Variants in RPS6KA2 observed in about 807,000 individuals in gnomAD.
RPS6KA2 encodes ribosomal protein S6 kinase alpha-2.
Under a neutral mutation model 91.8 loss-of-function variants are expected in RPS6KA2, and 42 were observed. The observed-to-expected ratio is 0.46, with a 90% CI of 0.36 to 0.59. The LOEUF (loss-of-function observed/expected upper bound fraction) is 0.59. Among genes scored for constraint, RPS6KA2 ranks in the 20% least tolerant of loss-of-function variants. RPS6KA2 has a pLI of 0.00. For synonymous variants in RPS6KA2, 414 were observed against 393.6 expected, an observed-to-expected ratio of 1.05 and a Z score of -0.61; for missense variants, 798 against 978.5, an observed-to-expected ratio of 0.82 and a Z score of 2.46.
rs189661290 is a variant in RPS6KA2, at chr6:166,657,702, C to T, written c.124-118918G>A. 3.7e-4 allele frequency among the ~76,000 whole-genome samples: 57 copies of T among 152,260 alleles called. 1 individual carries two copies. Among genetic ancestry groups the T allele is most frequent in the Admixed American group, 2.2e-3 (34 of 15,302 alleles). On this transcript the variant is annotated intron_variant, in intron 2 of 21. Coordinates refer to the RPS6KA2 transcript ENST00000503859. ...GTGCTAGGCGTTGGAAGGAGAAGAA[C>T]GGGAAGAGGCTGAGCCCTGGTGCCA...
At chr6:166,762,692 C>T (rs571157970) in intron 2 of RPS6KA2, among the ~76,000 whole-genome samples, 37 of 152,228 alleles carry the variant, frequency 2.4e-4, no homozygotes, top group Admixed American at 3.9e-4. Context: ...AACAGCTCCA[C>T]GGAGAAAGAA....
intron 2 of RPS6KA2, among the ~76,000 whole-genome samples, chr6:166,647,902 TCA>T (rs1254587506): frequency 1.0e-4 from 7 of 69,276 alleles, no homozygotes; most frequent in African/African-American, 2.9e-4. Flanking sequence ...ACACACATGC[TCA>T]CACACATGCA....
intron 14 of RPS6KA2, among the ~76,000 whole-genome samples, chr6:166,442,365 T>C (rs577124890): frequency 2.8e-4 from 42 of 152,106 alleles, no homozygotes; most frequent in Non-Finnish European, 4.6e-4. Context: ...GCACTCGGGG[T>C]CTGACTGCTT....
chr6:166,708,664 A>C (rs1198706831), intron 2 of RPS6KA2, among the ~76,000 whole-genome samples: 1 of 152,228 alleles, frequency 6.6e-6, no homozygotes, highest in Non-Finnish European at 1.5e-5. Flanking sequence ...AGTTCTCGTC[A>C]CCAGGCAGTG....
chr6:166,529,456 G>A (rs990118412), intron 3 of RPS6KA2, among the ~76,000 whole-genome samples: 8 of 152,182 alleles, frequency 5.3e-5, no homozygotes, highest in African/African-American at 1.9e-4. Flanking sequence ...AGCATTAGGA[G>A]ATGTACCTAA....
At position 166,594,683 on chromosome 6, in the gene RPS6KA2, C is replaced by T. The variant is rs533192280; in HGVS notation, c.99+32238G>A. Among the ~76,000 whole-genome samples, 5 of 152,278 alleles carry T rather than the reference C, an allele frequency of 3.3e-5. No homozygotes were observed. The East Asian group carries it at 7.7e-4, about 24-fold the overall frequency. On this transcript the variant is annotated intron_variant, in intron 1 of 20. Transcript: ENST00000265678. ...TTCACTGTGTTAGCCAGGATGGTCT[C>T]GATCTCCTGACCTCGTGATCCGCCC...
intron 1 of RPS6KA2, among the ~76,000 whole-genome samples, chr6:166,859,602 A>C (rs2149086): frequency 6.6e-6 from 1 of 152,098 alleles, no homozygotes; most frequent in Non-Finnish European, 1.5e-5. Flanking sequence ...TCAGAACAAC[A>C]CAGAGAACCA....
In RPS6KA2 at chr6:166,547,120, C is replaced by G. The variant is rs369451279; in HGVS notation, c.100-8336G>C. ...ATTTCAAGTGTACTGAGCAAAATCG[C>G]AAGGCTATATTGATCAGACCGTTCA... On this transcript the variant is annotated intron_variant, in intron 1 of 20. Transcript: ENST00000265678. 1.1e-4 allele frequency among the ~76,000 whole-genome samples: 16 copies of G among 152,186 alleles called. No homozygotes were observed. In the South Asian group the frequency reaches 3.3e-3, roughly 32 times the overall value.
chr6:166,469,317 G>C, intron 11 of RPS6KA2, among the ~76,000 whole-genome samples: 1 of 150,272 alleles, frequency 6.7e-6, no homozygotes, highest in Admixed American at 6.6e-5. Flanking sequence ...CCAACAACTC[G>C]GCACTGTTGT....
At chr6:166,761,292 G>A (rs1179763064) in intron 2 of RPS6KA2, among the ~76,000 whole-genome samples, 6 of 152,170 alleles carry the variant, frequency 3.9e-5, no homozygotes, top group Non-Finnish European at 7.3e-5. Context: ...TGATCTGCCC[G>A]CCTCAGCCTC....
At chr6:166,564,524 C>T (rs1784434840) in intron 1 of RPS6KA2, among the ~76,000 whole-genome samples, 2 of 152,196 alleles carry the variant, frequency 1.3e-5, no homozygotes, top group Non-Finnish European at 2.9e-5. Context: ...TTCTCATCTC[C>T]AATGTTAAAG....
Position 166,500,644 on chromosome 6 carries a change from A to C in RPS6KA2, c.604+243T>G, listed in dbSNP as rs1781994391. Among the ~76,000 whole-genome samples the C allele has an allele frequency of 6.6e-6, 1 of 152,226 alleles. No homozygotes were observed. The highest frequency in any genetic ancestry group is 2.4e-5 in the African/African-American group (1 of 41,464). On this transcript the variant is annotated intron_variant, in intron 7 of 20. Transcript: ENST00000265678. The surrounding 1 kb of genome is among the most constrained non-coding windows in gnomAD (Gnocchi z 4.3). ...CCCAGCGACGCTGAAGGAGCCCAGC[A>C]AACAGAACGTGGCAGGGGAGAGGGA...
chr6:166,429,385 T>C (rs1413743619), intron 16 of RPS6KA2, among the ~76,000 whole-genome samples: 1 of 151,818 alleles, frequency 6.6e-6, no homozygotes, highest in Non-Finnish European at 1.5e-5. Flanking sequence ...CATGTATACA[T>C]ATGTAACTAA....
At chr6:166,467,367 C>T (rs1780580688) in intron 11 of RPS6KA2, among the ~76,000 whole-genome samples, 1 of 152,190 alleles carries the variant, frequency 6.6e-6, no homozygotes, top group Admixed American at 6.5e-5. Flanking sequence ...ATTCTAGTGG[C>T]AGGAGACAGA....
At chr6:166,593,955 A>T (rs1261871087) in intron 1 of RPS6KA2, among the ~76,000 whole-genome samples, 2 of 152,252 alleles carry the variant, frequency 1.3e-5, no homozygotes, top group Non-Finnish European at 2.9e-5. Flanking sequence ...TATTCTGTTC[A>T]TGCCATTGAC....
At chr6:166,507,203 C>T (rs1782261048) in intron 5 of RPS6KA2, among the ~76,000 whole-genome samples, 2 of 152,146 alleles carry the variant, frequency 1.3e-5, no homozygotes, top group African/African-American at 4.8e-5. Flanking sequence ...TTCCCAGCCG[C>T]TCCTACCCAC....
chr6:166,762,091 C>T (rs1028051027), intron 2 of RPS6KA2, among the ~76,000 whole-genome samples: 4 of 152,180 alleles, frequency 2.6e-5, no homozygotes, highest in African/African-American at 9.7e-5. Context: ...CACAGAGGTA[C>T]ATGGTCTGTC....
chr6:166,830,906 T>C (rs1780167908), intron 2 of RPS6KA2, among the ~76,000 whole-genome samples: 1 of 152,148 alleles, frequency 6.6e-6, no homozygotes, highest in African/African-American at 2.4e-5. Context: ...AGCTCCCCCC[T>C]ATCAAGCTAG....
chr6:166,802,891 T>C (rs1779404246), intron 2 of RPS6KA2, among the ~76,000 whole-genome samples: 1 of 151,682 alleles, frequency 6.6e-6, no homozygotes, highest in African/African-American at 2.4e-5. Context: ...ATAATCTTCA[T>C]GAACAAGTGA....
Sources: gnomAD v4.1 joint callset for allele counts (sites outside exome capture counted in the v4.1 genomes callset) on GRCh38, gnomAD v4.1.1 for gene constraint, Gnocchi (gnomAD v3.1) non-coding constraint, MANE v1.5 for transcripts, NCBI Gene and HGNC (gene_info 2026-07-23, HGNC 2026-07-21) for gene names.